Variants in KALRN observed in about 807,000 individuals in gnomAD.
KALRN encodes kalirin.
A neutral mutation model predicts 353.7 loss-of-function variants in KALRN; 70 were observed. The ratio of observed to expected loss-of-function variants is 0.20; its 90% CI spans 0.16 to 0.24. The LOEUF (loss-of-function observed/expected upper bound fraction) is 0.24, where lower values mean the gene tolerates loss of function less well. KALRN is among the 10% of genes least tolerant of loss of function. The pLI, the probability that KALRN is intolerant of heterozygous loss-of-function variation, is 1.00. For missense variants in KALRN, 2,791 were observed against 3,756.7 expected (o/e 0.74, Z 6.72); for synonymous variants, 1,391 against 1,434.8 (o/e 0.97, Z 0.69).
At chr3:124,051,613 G>T (rs2041053214) in intron 1 of KALRN, among the ~76,000 whole-genome samples, 1 of 152,082 alleles carries the variant, frequency 6.6e-6, no homozygotes, top group Non-Finnish European at 1.5e-5. Context: ...GGAGTTGTTT[G>T]GTTGTTGTTG....
At position 124,477,253 on chromosome 3, in the gene KALRN, A is replaced by G; in HGVS notation, c.4110A>G (p.Lys1370=). ...ATCTTTGTTCTTTTTAGGCAGACAA[A>G]TTTCAGATGTATGTCACCTACTGTA... ...VGHCFVTWAD[K]FQMYVTYCKN... Residue 1370 remains lysine, a synonymous_variant, in exon 27 of 60, where the codon AAA becomes AAG. Coordinates refer to ENST00000682506, the MANE Select transcript of KALRN (RefSeq NM_001388419.1). The G allele has an allele frequency of 6.2e-7, 1 of 1,611,946 alleles. No homozygotes were observed. The highest frequency in any genetic ancestry group is 2.2e-5 in the East Asian group (1 of 44,864).
chr3:124,678,116 A>G, intron 49 of KALRN, 74 bp from the exon 50 acceptor site: 1 of 1,522,390 alleles, frequency 6.6e-7, no homozygotes, highest in South Asian at 1.1e-5. Context: ...GACTCACCCA[A>G]GGGTGGTGAG....
intron 32 of KALRN, among the ~76,000 whole-genome samples, chr3:124,493,565 G>A (rs907406465): frequency 9.2e-5 from 14 of 151,966 alleles, no homozygotes; most frequent in East Asian, 1.9e-4. Flanking sequence ...AAAACTTCAC[G>A]TACATTTTGA....
intron 1 of KALRN, among the ~76,000 whole-genome samples, chr3:124,081,360 A>G (rs898013069): frequency 6.6e-6 from 1 of 152,186 alleles, no homozygotes; most frequent in African/African-American, 2.4e-5. Context: ...TTCTCAGTCT[A>G]GTTGGTCTCC....
rs1412689202 is a variant in KALRN, at chr3:124,286,775, T to C, written c.970-12016T>C. 3.3e-5 allele frequency among the ~76,000 whole-genome samples: 5 copies of C among 152,368 alleles called. No homozygotes were observed. In the East Asian group the frequency reaches 9.6e-4, roughly 29 times the overall value. On this transcript the variant is annotated intron_variant, in intron 5 of 59. Coordinates refer to ENST00000682506, the MANE Select transcript of KALRN (RefSeq NM_001388419.1). ...CCCCATTTTTTTAAGATGTCAATCA[T>C]AGTTATTTTGAAAGCCTTGTCTGCT... is the stretch of plus-strand genomic sequence containing the variant.
intron 1 of KALRN, among the ~76,000 whole-genome samples, chr3:124,166,731 G>A (rs1369380618): frequency 1.3e-5 from 2 of 152,038 alleles, no homozygotes; most frequent in Admixed American, 1.3e-4. Flanking sequence ...GGAAACAGAT[G>A]TTTTTTTGAA....
chr3:124,081,252 C>A (rs1218377570), intron 1 of KALRN, among the ~76,000 whole-genome samples: 5 of 152,136 alleles, frequency 3.3e-5, no homozygotes, highest in African/African-American at 1.2e-4. Flanking sequence ...CTTTAATGAG[C>A]AATGTGTTTA....
At chr3:124,644,218 C>A (rs1317582957) in intron 37 of KALRN, among the ~76,000 whole-genome samples, 1 of 152,094 alleles carries the variant, frequency 6.6e-6, no homozygotes, top group Non-Finnish European at 1.5e-5. Flanking sequence ...AAAAAATATT[C>A]CACATATAAA....
chr3:124,580,670 A>G (rs760434595), intron 34 of KALRN, among the ~76,000 whole-genome samples: 2 of 152,184 alleles, frequency 1.3e-5, no homozygotes, highest in African/African-American at 4.8e-5. Context: ...CCTAGTAGCT[A>G]GCTTCAGAAG....
At chr3:124,622,507 A>T (rs1449030777) in intron 34 of KALRN, among the ~76,000 whole-genome samples, 1 of 152,148 alleles carries the variant, frequency 6.6e-6, no homozygotes, top group Non-Finnish European at 1.5e-5. Context: ...GAGTTGTACT[A>T]CTCAAGCCAA....
intron 34 of KALRN, among the ~76,000 whole-genome samples, chr3:124,625,502 C>T (rs1419966461): frequency 6.6e-6 from 1 of 151,876 alleles, no homozygotes; most frequent in Non-Finnish European, 1.5e-5. Flanking sequence ...AGGAGGATCC[C>T]TTGAGCTCAG....
intron 34 of KALRN, among the ~76,000 whole-genome samples, chr3:124,623,099 T>C (rs185980619): frequency 4.6e-5 from 7 of 152,084 alleles, no homozygotes; most frequent in Admixed American, 3.3e-4. Context: ...GTCTCTCTCT[T>C]TTTTATTCTC....
chr3:124,510,678 G>A (rs561070243), intron 33 of KALRN, among the ~76,000 whole-genome samples: 1 of 152,202 alleles, frequency 6.6e-6, no homozygotes, highest in Admixed American at 6.5e-5. Context: ...TGCCGTCAGT[G>A]TATCAACTCA....
intron 31 of KALRN, 115 bp from the exon 32 acceptor site, chr3:124,492,625 C>G: frequency 8.9e-7 from 1 of 1,129,010 alleles, no homozygotes; most frequent in South Asian, 1.6e-5. Flanking sequence ...AATAAACTCC[C>G]CAGACATTTG....
chr3:124,273,527 A>G (rs749447414), intron 5 of KALRN, among the ~76,000 whole-genome samples: 5 of 152,210 alleles, frequency 3.3e-5, no homozygotes, highest in African/African-American at 4.8e-5. Flanking sequence ...TGATCTGATA[A>G]GTTTGGACAT....
intron 14 of KALRN, 33 bp from the exon 15 acceptor site, chr3:124,422,779 G>A (rs749571753): frequency 1.3e-6 from 2 of 1,591,564 alleles, no homozygotes; most frequent in Non-Finnish European, 1.7e-6. Flanking sequence ...AGTACTAGCT[G>A]GTTTTTAATT....
intron 52 of KALRN, 64 bp from the exon 53 acceptor site, chr3:124,694,268 C>A: frequency 6.6e-7 from 1 of 1,520,658 alleles, no homozygotes; most frequent in Non-Finnish European, 9.0e-7. Context: ...TGTGTTAAAA[C>A]AAAATGGCCA....
Position 124,405,683 on chromosome 3 carries a change from A to C in KALRN, c.2346+6812A>C, listed in dbSNP as rs187527959. Among the ~76,000 whole-genome samples the C allele has an allele frequency of 4.8e-5, 6 of 125,096 alleles. No individual in the cohort carries two copies. The Admixed American group carries it at 6.3e-4, about 13-fold the overall frequency. 82.1% of individuals were successfully genotyped at this position (125,096 alleles called of 152,430 possible). A position where few individuals can be genotyped will look rare whatever the true frequency, so the allele number is the denominator to read the frequency against. On this transcript the variant is annotated intron_variant, in intron 13 of 59. Transcript: ENST00000682506. Reference sequence around the variant, plus strand: ...TTTTTTGACGGAGTCTCGCTCTGTCAGCCAGGCTGGAGTGCAATGACACAA... The same window carrying C: ...TTTTTTGACGGAGTCTCGCTCTGTCCGCCAGGCTGGAGTGCAATGACACAA...
intron 25 of KALRN, among the ~76,000 whole-genome samples, chr3:124,474,038 G>A (rs1028813635): frequency 2.0e-5 from 3 of 152,002 alleles, no homozygotes; most frequent in African/African-American, 7.3e-5. Context: ...ATTTATTAAC[G>A]TGGAAAGGAG....
Sources: allele counts gnomAD v4.1 joint callset (sites outside exome capture counted in the v4.1 genomes callset), GRCh38; gene constraint gnomAD v4.1.1; transcripts MANE v1.5; gene names NCBI Gene and HGNC (gene_info 2026-07-23, HGNC 2026-07-21).